UMOD: variants seen among roughly 807,000 people sequenced by gnomAD.
The protein encoded by UMOD is uromodulin, also known as Tamm-Horsfall urinary glycoprotein.
In UMOD, 64 loss-of-function variants were observed where a neutral mutation model predicts 66.0. The observed-to-expected ratio is 0.97, with a 90% CI of 0.79 to 1.19. The LOEUF is 1.19. Ranked by LOEUF, UMOD falls within the 50% of genes most tolerant of loss-of-function variation. The pLI, the probability that UMOD is intolerant of heterozygous loss-of-function variation, is 0.00. For missense variants in UMOD, 764 were observed against 850.9 expected, an observed-to-expected ratio of 0.90 and a Z score of 1.27; for synonymous variants, 398 against 352.7, an observed-to-expected ratio of 1.13 and a Z score of -1.44.
intron 6 of UMOD, among the ~76,000 whole-genome samples, chr16:20,342,758 G>T (rs1965304611): frequency 6.6e-6 from 1 of 152,142 alleles, no homozygotes; most frequent in African/African-American, 2.4e-5. Flanking sequence ...TATCTCCTAG[G>T]GCTGCTGTAA....
chr16:20,333,755 C>T (rs954171091), intron 10 of UMOD, among the ~76,000 whole-genome samples: 1 of 152,056 alleles, frequency 6.6e-6, no homozygotes, highest in Non-Finnish European at 1.5e-5. Context: ...CCCGGTTAGC[C>T]GGGTGGGGTG....
At chr16:20,349,750 T>C in intron 2 of UMOD, 3 of 1,541,926 alleles carry the variant, frequency 1.9e-6, no homozygotes, top group Non-Finnish European at 2.6e-6. Flanking sequence ...TCCCTTTCTT[T>C]GCACATTTTA....
At chr16:20,333,592 A>G (rs1362957379) in intron 10 of UMOD, among the ~76,000 whole-genome samples, 1 of 152,192 alleles carries the variant, frequency 6.6e-6, no homozygotes, top group Admixed American at 6.5e-5. Context: ...TACCTCCTCA[A>G]AAGGGCAAAG....
chr16:20,351,103 C>A, intron 1 of UMOD: 1 of 353,014 alleles, frequency 2.8e-6, no homozygotes. Context: ...CAGGAAGTAG[C>A]CAGATGGAAT....
chr16:20,350,145 G>A (rs542722823), intron 2 of UMOD, among the ~76,000 whole-genome samples: 23 of 152,240 alleles, frequency 1.5e-4, no homozygotes, highest in East Asian at 3.9e-4. Flanking sequence ...CCAGGACACC[G>A]CAATAGTATT....
rs1226854184 is a variant in UMOD, at chr16:20,344,191, G to T, written c.1183-19C>A. On this transcript the variant is annotated intron_variant, in intron 5 of 10. Coordinates refer to ENST00000396138, the MANE Select transcript of UMOD (RefSeq NM_003361.4). ...CATTCCTCTGTTGCAGGGAATGGGGGTGGAGGGGGGGTGGGGATGAGAGAA... is the reference window on the plus strand; with the variant it reads ...CATTCCTCTGTTGCAGGGAATGGGGTTGGAGGGGGGGTGGGGATGAGAGAA... 6 of 1,550,760 alleles carry T rather than the reference G, an allele frequency of 3.9e-6. No individual in the cohort carries two copies. Among genetic ancestry groups the T allele is most frequent in the Non-Finnish European group, 5.3e-6 (6 of 1,126,746 alleles).
chr16:20,347,514 T>G (rs1965655650), intron 4 of UMOD, among the ~76,000 whole-genome samples: 1 of 152,228 alleles, frequency 6.6e-6, no homozygotes, highest in Non-Finnish European at 1.5e-5. Flanking sequence ...TCTTTTCTTT[T>G]TAGTAACTTT....
rs1437119279 is a variant in UMOD at position 20,333,304 on chromosome 16, C to T, written c.*10G>A. 1 of 1,612,370 alleles carries T rather than the reference C, an allele frequency of 6.2e-7. No homozygotes were observed. The highest frequency in any genetic ancestry group is 1.3e-5 in the African/African-American group (1 of 74,904). ...TGGCAGCCATGGAGCACAGGGCTTTCCGCTGTCAGTCACTGAAAAGTCAGG... is the reference window on the plus strand; with the variant it reads ...TGGCAGCCATGGAGCACAGGGCTTTTCGCTGTCAGTCACTGAAAAGTCAGG... On this transcript the variant is annotated 3_prime_UTR_variant, in exon 11 of 11. Coordinates refer to ENST00000396138, the MANE Select transcript of UMOD (RefSeq NM_003361.4).
At chr16:20,346,729 A>G (rs1965605154) in intron 4 of UMOD, among the ~76,000 whole-genome samples, 1 of 152,184 alleles carries the variant, frequency 6.6e-6, no homozygotes, top group African/African-American at 2.4e-5. Flanking sequence ...TCCAGAGGTC[A>G]ATTTCCTTGT....
intron 7 of UMOD, 120 bp from the exon 8 acceptor site, chr16:20,337,573 ATC>A: frequency 8.4e-7 from 1 of 1,185,898 alleles, no homozygotes; most frequent in Non-Finnish European, 1.2e-6. Context: ...AACTTATTTA[ATC>A]TCTGTGTACC....
At chr16:20,352,872 T>G (rs1162483342), upstream of UMOD, 1 of 584,296 alleles carries the variant, frequency 1.7e-6, no homozygotes, top group Non-Finnish European at 2.5e-6. Context: ...GCTGTGAGGT[T>G]GTTGTTGTTC....
At chr16:20,345,171 G>T (rs1965471840) in intron 5 of UMOD, among the ~76,000 whole-genome samples, 1 of 151,920 alleles carries the variant, frequency 6.6e-6, no homozygotes, top group South Asian at 2.1e-4. Flanking sequence ...CCACCAACAG[G>T]TCCAGCAAAT....
In UMOD at chr16:20,346,318, C is replaced by T. The variant is rs200665026; in HGVS notation, c.990G>A (p.Glu330=). Residue 330 remains glutamate (E), a synonymous_variant, in exon 5 of 11, where the codon GAG becomes GAA. Transcript: ENST00000396138. ...DFNITDISLL[E]HRLECGANDM... ...CATTGGCCCCACATTCCAGCCTGTG[C>T]TCCAGGAGGGAGATATCTGAAACAG... The T allele has an allele frequency of 4.3e-5, 70 of 1,614,138 alleles. No individual in the cohort carries two copies. Among genetic ancestry groups the T allele is most frequent in the Admixed American group, 2.8e-4 (17 of 60,016 alleles).
At chr16:20,353,915 T>C (rs1965987146), upstream of UMOD, among the ~76,000 whole-genome samples, 1 of 152,178 alleles carries the variant, frequency 6.6e-6, no homozygotes. Flanking sequence ...GCTCCCCGCA[T>C]CCCACAATAG....
rs376233386 is a variant in UMOD, at chr16:20,337,442, G to A, written c.1589C>T (p.Thr530Ile). The A allele has an allele frequency of 1.9e-6, 3 of 1,614,206 alleles. No homozygotes were observed. The highest frequency in any genetic ancestry group is 8.5e-7 in the Non-Finnish European group (1 of 1,180,048). The change falls in exon 8 of 11, where the codon ACT (threonine) becomes ATT (isoleucine). Residue 530 changes from threonine to isoleucine, a missense_variant. Physicochemically the swap from Thr to Ile is moderately conservative, Grantham distance 89. Coordinates refer to ENST00000396138, the MANE Select transcript of UMOD (RefSeq NM_003361.4). ...YFIIQDRCPHTRDSTIQVVEN... is the reference protein window; with the variant it reads ...YFIIQDRCPHIRDSTIQVVEN... ...CACCACTTGGATAGTTGAGTCTCTA[G>A]TGTGTGGGCATCTGGGAGGGTTACA...
intron 2 of UMOD, among the ~76,000 whole-genome samples, chr16:20,350,320 C>T (rs1436415868): frequency 1.3e-5 from 2 of 152,124 alleles, no homozygotes; most frequent in Non-Finnish European, 2.9e-5. Flanking sequence ...CAATAAAGGG[C>T]CTGCAGGCCT....
At chr16:20,342,804 A>G (rs1323759191) in intron 6 of UMOD, among the ~76,000 whole-genome samples, 3 of 152,216 alleles carry the variant, frequency 2.0e-5, no homozygotes, top group African/African-American at 7.2e-5. Context: ...AACACTGGCT[A>G]TAATGCCTGA....
intron 6 of UMOD, among the ~76,000 whole-genome samples, chr16:20,343,108 C>T (rs992512284): frequency 9.2e-5 from 12 of 131,078 alleles, no homozygotes; most frequent in South Asian, 2.5e-4. Context: ...CCAGCCTGGG[C>T]GACAGTACGA....
chr16:20,339,456 G>C (rs997817464), intron 7 of UMOD, among the ~76,000 whole-genome samples: 2 of 152,208 alleles, frequency 1.3e-5, no homozygotes, highest in African/African-American at 4.8e-5. Context: ...ACCATACAAT[G>C]AGGACAAGAT....
Sources: allele counts gnomAD v4.1 joint callset (sites outside exome capture counted in the v4.1 genomes callset), GRCh38; gene constraint gnomAD v4.1.1; transcripts MANE v1.5; gene names NCBI Gene and HGNC (gene_info 2026-07-23, HGNC 2026-07-21).